Variants in ACOX3 observed in about 807,000 individuals in gnomAD.
The protein encoded by ACOX3 is acyl-CoA oxidase 3, pristanoyl.
ACOX3 carries 73 observed loss-of-function variants against 81.5 expected under a neutral mutation model. The ratio of observed to expected loss-of-function variants is 0.90; its 90% confidence interval spans 0.74 to 1.09. ACOX3 has a LOEUF of 1.09. Ranked by LOEUF, ACOX3 falls within the 50% of genes least tolerant of loss-of-function variation. The probability of loss-of-function intolerance (pLI) is 0.00; values close to 1 mark genes in which losing one functional copy is unlikely to be tolerated. For synonymous variants in ACOX3, 387 were observed against 375.1 expected (o/e 1.03, Z -0.37); for missense variants, 947 against 928.0 (o/e 1.02, Z -0.27).
At position 8,369,714 on chromosome 4, in the gene ACOX3, C is replaced by T. The variant is rs1036444773; in HGVS notation, c.1983+1194G>A. ...GGCTAAGCCGGTAAGGGCTCATGTA[C>T]AGACTTCAGCATTCCCTGAGGACTG... On this transcript the variant is annotated intron_variant, in intron 17 of 17. Transcript: ENST00000356406. Among the ~76,000 whole-genome samples the T allele has an allele frequency of 4.7e-4, 71 of 152,364 alleles. 1 individual carries two copies. The highest frequency in any genetic ancestry group is 1.5e-3 in the African/African-American group (63 of 41,594).
intron 14 of ACOX3, among the ~76,000 whole-genome samples, chr4:8,378,715 G>A (rs186454538): frequency 7.0e-4 from 107 of 152,354 alleles, no homozygotes; most frequent in African/African-American, 2.4e-3. Context: ...GCCAAAAAAT[G>A]AGAGAAATGC....
intron 1 of ACOX3, among the ~76,000 whole-genome samples, chr4:8,418,179 A>G (rs1210564357): frequency 6.6e-6 from 1 of 152,260 alleles, no homozygotes; most frequent in Non-Finnish European, 1.5e-5. Context: ...TGAGGCCAGT[A>G]TTACTTTGAC....
At chr4:8,422,008 G>A (rs1378289049) in intron 1 of ACOX3, among the ~76,000 whole-genome samples, 1 of 152,224 alleles carries the variant, frequency 6.6e-6, no homozygotes, top group Non-Finnish European at 1.5e-5. Flanking sequence ...GAATAGATCA[G>A]GAAGAAAGCG....
At chr4:8,388,422 G>C (rs770122679) in intron 13 of ACOX3, among the ~76,000 whole-genome samples, 1 of 152,258 alleles carries the variant, frequency 6.6e-6, no homozygotes, top group African/African-American at 2.4e-5. Flanking sequence ...CCAGGAACGC[G>C]AGAGCAGCTG....
At chr4:8,411,690 C>T (rs985022002) in intron 5 of ACOX3, among the ~76,000 whole-genome samples, 2 of 152,228 alleles carry the variant, frequency 1.3e-5, no homozygotes, top group Non-Finnish European at 2.9e-5. Flanking sequence ...TGGCTGCCTC[C>T]CTGCGCCCCG....
intron 5 of ACOX3, among the ~76,000 whole-genome samples, chr4:8,413,748 C>T (rs940328138): frequency 2.1e-4 from 32 of 152,356 alleles, no homozygotes; most frequent in East Asian, 7.7e-4. Context: ...ATCTGTGGCC[C>T]GTCTCACTGC....
In ACOX3 at chr4:8,374,958, C is replaced by T. The variant is rs899724606; in HGVS notation, c.1828+20G>A. 6.7e-7 allele frequency: 1 copy of T among 1,487,320 alleles called. No homozygotes were observed. Among genetic ancestry groups the T allele is most frequent in the Non-Finnish European group, 9.0e-7 (1 of 1,110,554 alleles). The allele number at this position is 1,487,320 out of a possible 1,614,324, so 92.1% of individuals were successfully genotyped here. A position where few individuals can be genotyped will look rare whatever the true frequency, so the allele number is the denominator to read the frequency against. On this transcript the variant is annotated intron_variant, in intron 15 of 17. Coordinates refer to ENST00000356406, the MANE Select transcript of ACOX3 (RefSeq NM_003501.3). ...CCCTGACTCTGGGGAGGACAGCAAG[C>T]CCGCAGTCAGAAGCCTCACCTCGGT...
chr4:8,381,431 A>C lies in ACOX3; in HGVS notation c.1653+61T>G. 1 of 1,487,428 alleles carries C rather than the reference A, an allele frequency of 6.7e-7. No individual in the cohort carries two copies. The highest frequency in any genetic ancestry group is 9.3e-7 in the Non-Finnish European group (1 of 1,072,828). The allele number at this position is 1,487,428 out of a possible 1,614,324, so 92.1% of individuals were successfully genotyped here. On this transcript the variant is annotated intron_variant, in intron 14 of 17. Coordinates refer to ENST00000356406, the MANE Select transcript of ACOX3 (RefSeq NM_003501.3). This position sits in a 1 kb window ranked among gnomAD's most constrained non-coding sequence, Gnocchi z 4.3. ...CCAGGATGTTCAAACTCCCAGGGAC[A>C]CAACGGCCAGGGAATTAAGAGCAAA...
At position 8,370,073 on chromosome 4, in the gene ACOX3, G is replaced by C. The variant is rs1197358588; in HGVS notation, c.1983+835C>G. ...AGCAAGGGCAGCACTACAGTGCCTG[G>C]GGGCACTGCCTCAGCTGGAGGCCAG... On this transcript the variant is annotated intron_variant, in intron 17 of 17. Coordinates refer to ENST00000356406, the MANE Select transcript of ACOX3 (RefSeq NM_003501.3). This position sits in a 1 kb window ranked among gnomAD's most constrained non-coding sequence, Gnocchi z 6.3. Among the ~76,000 whole-genome samples, 1 of 152,224 alleles carries C rather than the reference G, an allele frequency of 6.6e-6. No individual in the cohort carries two copies. The highest frequency in any genetic ancestry group is 6.5e-5 in the Admixed American group (1 of 15,292).
At position 8,419,915 on chromosome 4, in the gene ACOX3, T is replaced by C. The variant is rs149374274; in HGVS notation, c.-14-3380A>G. 2.6e-5 allele frequency among the ~76,000 whole-genome samples: 4 copies of C among 152,300 alleles called. No homozygotes were observed. The East Asian group carries it at 5.8e-4, about 22-fold the overall frequency. On this transcript the variant is annotated intron_variant, in intron 1 of 17. Transcript: ENST00000356406. This position sits in a 1 kb window ranked among gnomAD's most constrained non-coding sequence, Gnocchi z 4.2. ...TCCATGCGCCATAACCTCAGTACATTACCAAGTCCACAGTGCATCTCTAAC... is the reference window on the plus strand; with the variant it reads ...TCCATGCGCCATAACCTCAGTACATCACCAAGTCCACAGTGCATCTCTAAC...
At chr4:8,373,344 A>T (rs1191070809) in intron 16 of ACOX3, among the ~76,000 whole-genome samples, 1 of 151,806 alleles carries the variant, frequency 6.6e-6, no homozygotes, top group Non-Finnish European at 1.5e-5. Context: ...GGGTGACGCT[A>T]AGGCGGTGTG....
rs1264956540 is a variant in ACOX3, at chr4:8,437,634, A to G, written c.-15+3014T>C. ...TGCGAGAGGACGTGGACACGGATGT[A>G]GACGTGGAAGAAGTCAAGTTAGGCA... On this transcript the variant is annotated intron_variant, in intron 1 of 17. Coordinates refer to ENST00000356406, the MANE Select transcript of ACOX3 (RefSeq NM_003501.3). The surrounding 1 kb of genome is among the most constrained non-coding windows in gnomAD (Gnocchi z 5.2). Among the ~76,000 whole-genome samples, 1 of 152,282 alleles carries G rather than the reference A, an allele frequency of 6.6e-6. No homozygotes were observed. The highest frequency in any genetic ancestry group is 1.5e-5 in the Non-Finnish European group (1 of 68,050).
Position 8,389,636 on chromosome 4 carries a change from C to A in ACOX3, c.1399G>T (p.Gly467Cys), listed in dbSNP as rs1311879864. The change falls in exon 12 of 18, where the codon GGT becomes TGT. Residue 467 changes from glycine (G) to cysteine (C), a missense_variant. Physicochemically the swap from Gly to Cys is radical, Grantham distance 159. Transcript: ENST00000356406. The surrounding 1 kb of genome is among the most constrained non-coding windows in gnomAD (Gnocchi z 5.3). ...CCGTGGACCTGGTGTGCCAGGAGAC[C>A]CAGCAAATAGTTGCTTGTCTGCTGC... ...LLQQTSNYLL[G>C]LLAHQVHDGA... 6.2e-7 allele frequency: 1 copy of A among 1,613,988 alleles called. No homozygotes were observed.
chr4:8,396,756 A>G (rs1373715225), intron 9 of ACOX3, among the ~76,000 whole-genome samples, 181 bp downstream of exon 9: 1 of 152,002 alleles, frequency 6.6e-6, no homozygotes, highest in Non-Finnish European at 1.5e-5. Context: ...CTCTTTTTAA[A>G]TTAAAAACCA....
At position 8,400,889 on chromosome 4, in the gene ACOX3, T is replaced by A. The variant is rs954431007; in HGVS notation, c.777-1237A>T. 6.6e-6 allele frequency among the ~76,000 whole-genome samples: 1 copy of A among 152,122 alleles called. No individual in the cohort carries two copies. The highest frequency in any genetic ancestry group is 2.4e-5 in the African/African-American group (1 of 41,416). On this transcript the variant is annotated intron_variant, in intron 7 of 17. Coordinates refer to ENST00000356406, the MANE Select transcript of ACOX3 (RefSeq NM_003501.3). This position sits in a 1 kb window ranked among gnomAD's most constrained non-coding sequence, Gnocchi z 4.4. ...ATATTTATTGTGCACTTTATTTCTA[T>A]TATTATTACATGGTAACACATAATG...
In ACOX3 at chr4:8,368,294, G is replaced by T. The variant is rs910156225; in HGVS notation, c.1984-1214C>A. Reference sequence around the variant, plus strand: ...TGCTCTCAGCCTAAGTGGCCTCACTGGGAAGATGGGGAGAGACGCTCCTGT... The same window carrying T: ...TGCTCTCAGCCTAAGTGGCCTCACTTGGAAGATGGGGAGAGACGCTCCTGT... On this transcript the variant is annotated intron_variant, in intron 17 of 17. Coordinates refer to ENST00000356406, the MANE Select transcript of ACOX3 (RefSeq NM_003501.3). The surrounding 1 kb of genome is among the most constrained non-coding windows in gnomAD (Gnocchi z 5.9). Among the ~76,000 whole-genome samples the T allele has an allele frequency of 6.6e-6, 1 of 152,228 alleles. No homozygotes were observed.
intron 15 of ACOX3, 53 bp from the exon 16 acceptor site, chr4:8,373,681 C>A: frequency 6.5e-7 from 1 of 1,542,784 alleles, no homozygotes; most frequent in Non-Finnish European, 8.8e-7. Context: ...AAAACCACCC[C>A]CAATACCAAC....
intron 9 of ACOX3, among the ~76,000 whole-genome samples, chr4:8,396,147 G>A (rs1719665233): frequency 6.6e-6 from 1 of 152,220 alleles, no homozygotes; most frequent in East Asian, 1.9e-4. Context: ...CTCTGGGGAC[G>A]TGTAGGGCCA....
chr4:8,397,559 A>T (rs1199228455), intron 8 of ACOX3, among the ~76,000 whole-genome samples: 1 of 152,156 alleles, frequency 6.6e-6, no homozygotes, highest in Non-Finnish European at 1.5e-5. Flanking sequence ...ACACCTCTTG[A>T]TCCTTGTGTG....
Sources: gnomAD v4.1 joint callset for allele counts (sites outside exome capture counted in the v4.1 genomes callset) on GRCh38, gnomAD v4.1.1 for gene constraint, Gnocchi (gnomAD v3.1) non-coding constraint, MANE v1.5 for transcripts, NCBI Gene and HGNC (gene_info 2026-07-23, HGNC 2026-07-21) for gene names.